The following SGMS2 variants were observed in gnomAD, a reference collection of about 807,000 sequenced individuals.
SGMS2 encodes sphingomyelin synthase 2.
A neutral mutation model predicts 43.8 loss-of-function variants in SGMS2; 21 were observed. The ratio of observed to expected loss-of-function variants is 0.48; its 90% CI spans 0.34 to 0.69. The LOEUF is 0.69. SGMS2 is among the 30% of genes least tolerant of loss of function. The pLI, the probability that SGMS2 is intolerant of heterozygous loss-of-function variation, is 0.01. For synonymous variants in SGMS2, 167 were observed against 160.6 expected (o/e 1.04, Z -0.30); for missense variants, 384 against 443.2 (o/e 0.87, Z 1.20).
chr4:107,840,626 A>G (rs773912012), intron 1 of SGMS2, among the ~76,000 whole-genome samples: 8 of 152,192 alleles, frequency 5.3e-5, no homozygotes, highest in Non-Finnish European at 8.8e-5. Flanking sequence ...GCAATCTTGC[A>G]TTTAAAAATA....
chr4:107,838,156 G>A (rs912345608), intron 1 of SGMS2, among the ~76,000 whole-genome samples: 6 of 152,174 alleles, frequency 3.9e-5, no homozygotes, highest in African/African-American at 1.4e-4. Context: ...TAACCAATGA[G>A]GAGGACCGAA....
At chr4:107,828,471 C>T (rs1725718615) in intron 1 of SGMS2, among the ~76,000 whole-genome samples, 1 of 152,186 alleles carries the variant, frequency 6.6e-6, no homozygotes, top group Admixed American at 6.5e-5. Flanking sequence ...CGTTTTCTCT[C>T]CTCATCCAAA....
intron 1 of SGMS2, among the ~76,000 whole-genome samples, chr4:107,844,698 C>T (rs1726713307): frequency 6.6e-6 from 1 of 152,036 alleles, no homozygotes; most frequent in Admixed American, 6.6e-5. Context: ...AGAACAAGAT[C>T]CTGTCTCCAA....
intron 1 of SGMS2, among the ~76,000 whole-genome samples, chr4:107,848,324 A>G (rs1411684257): frequency 6.6e-6 from 1 of 152,178 alleles, no homozygotes; most frequent in Admixed American, 6.6e-5. Flanking sequence ...CACCTATTGA[A>G]GGACCTCTAG....
intron 2 of SGMS2, among the ~76,000 whole-genome samples, chr4:107,877,420 A>G (rs1256481254): frequency 6.6e-6 from 1 of 152,238 alleles, no homozygotes; most frequent in Admixed American, 6.5e-5. Context: ...GTTTCTAGGT[A>G]TATAAATCTT....
chr4:107,884,032 C>T (rs2126090439), intron 2 of SGMS2, among the ~76,000 whole-genome samples: 1 of 152,286 alleles, frequency 6.6e-6, no homozygotes, highest in Admixed American at 6.5e-5. Flanking sequence ...ATATTTTCTA[C>T]AGTTTGGACT....
rs1730628222 is a variant in SGMS2 at position 107,895,934 on chromosome 4, A to G, written c.381A>G (p.Ala127=). The G allele has an allele frequency of 5.0e-6, 8 of 1,613,912 alleles. No homozygotes were observed. Among genetic ancestry groups the G allele is most frequent in the Non-Finnish European group, 5.9e-6 (7 of 1,179,922 alleles). ...FFDYIDRVKW[A]FSVSEINGII... ...ATTACATTGATAGGGTGAAATGGGC[A>G]TTTTCTGTATCAGAAATAAATGGGA... Residue 127 remains alanine, a synonymous_variant, in exon 3 of 7, where the codon GCA becomes GCG. Coordinates refer to ENST00000690982, the MANE Select transcript of SGMS2 (RefSeq NM_001375905.1).
intron 5 of SGMS2, among the ~76,000 whole-genome samples, chr4:107,905,280 CT>C: frequency 6.6e-6 from 1 of 152,204 alleles, no homozygotes; most frequent in South Asian, 2.1e-4. Flanking sequence ...GGGGTTTCCC[CT>C]TATAAAACCA....
intron 1 of SGMS2, among the ~76,000 whole-genome samples, chr4:107,836,181 C>T (rs770962439): frequency 9.9e-5 from 15 of 152,184 alleles, no homozygotes; most frequent in South Asian, 4.1e-4. Flanking sequence ...ACCGGCCACA[C>T]GTCAAGCACT....
intron 1 of SGMS2, among the ~76,000 whole-genome samples, chr4:107,849,000 T>A (rs1233060439): frequency 1.3e-5 from 2 of 152,206 alleles, no homozygotes; most frequent in Non-Finnish European, 2.9e-5. Flanking sequence ...TTCTATGTTA[T>A]CTTATAAATT....
chr4:107,890,223 C>T (rs1250411768), intron 2 of SGMS2, among the ~76,000 whole-genome samples: 1 of 152,076 alleles, frequency 6.6e-6, no homozygotes, highest in African/African-American at 2.4e-5. Flanking sequence ...ACAGGTTTCT[C>T]CCCGAAAGGG....
intron 1 of SGMS2, among the ~76,000 whole-genome samples, chr4:107,853,749 T>C (rs777505877): frequency 5.3e-5 from 8 of 152,286 alleles, no homozygotes; most frequent in Admixed American, 1.3e-4. Flanking sequence ...CTCACAGAGC[T>C]TGCAGTCTCA....
intron 2 of SGMS2, among the ~76,000 whole-genome samples, chr4:107,894,791 C>T (rs769981979): frequency 3.9e-5 from 6 of 152,076 alleles, no homozygotes; most frequent in African/African-American, 7.2e-5. Flanking sequence ...TTCTTAAAAG[C>T]GGTCACTTAA....
rs746770494 is a variant in SGMS2 at position 107,910,319 on chromosome 4, T to A, written c.895-31T>A. 12 of 1,552,580 alleles carry A rather than the reference T, an allele frequency of 7.7e-6. No homozygotes were observed. In the East Asian group the frequency reaches 2.5e-4, roughly 32 times the overall value. ...TGGGATGCAAATTGAGAAAGATATGTCTCATTTAAATTTTTTTCTACCATT... is the reference window on the plus strand; with the variant it reads ...TGGGATGCAAATTGAGAAAGATATGACTCATTTAAATTTTTTTCTACCATT... On this transcript the variant is annotated intron_variant, in intron 6 of 6. Transcript: ENST00000690982.
At chr4:107,839,159 T>C (rs551123590) in intron 1 of SGMS2, among the ~76,000 whole-genome samples, 1 of 152,308 alleles carries the variant, frequency 6.6e-6, no homozygotes, top group African/African-American at 2.4e-5. Flanking sequence ...TCTGAGTTCT[T>C]TGGGTGAAGA....
chr4:107,832,021 A>G (rs1725918858), intron 1 of SGMS2, among the ~76,000 whole-genome samples: 1 of 151,954 alleles, frequency 6.6e-6, no homozygotes, highest in Non-Finnish European at 1.5e-5. Flanking sequence ...CACAAACCCT[A>G]CTGTCCTCGC....
Position 107,896,006 on chromosome 4 carries a change from C to T in SGMS2, c.453C>T (p.Tyr151=). The T allele has an allele frequency of 6.2e-7, 1 of 1,605,832 alleles. No homozygotes were observed. The highest frequency in any genetic ancestry group is 8.5e-7 in the Non-Finnish European group (1 of 1,174,214). Residue 151 remains tyrosine (Y), a splice_region_variant and synonymous_variant, in exon 3 of 7, where the codon TAC becomes TAT. Coordinates refer to ENST00000690982, the MANE Select transcript of SGMS2 (RefSeq NM_001375905.1). ...TCACCCAGTGGCTGTTTCTGAGATA[C>T]AAGTAAGTAAATCTAATGTTTTGAG... ...LWITQWLFLR[Y]KSIVGRRFCF...
chr4:107,885,640 G>A (rs567493905), intron 2 of SGMS2, among the ~76,000 whole-genome samples: 2 of 152,190 alleles, frequency 1.3e-5, no homozygotes, highest in Non-Finnish European at 2.9e-5. Flanking sequence ...TTTTAACATT[G>A]TTCTAGCCAA....
At chr4:107,875,376 G>T (rs111499743) in intron 2 of SGMS2, among the ~76,000 whole-genome samples, 2 of 152,256 alleles carry the variant, frequency 1.3e-5, no homozygotes, top group African/African-American at 4.8e-5. Context: ...GGAGTTGGAG[G>T]CCATTATCCT....
Sources: allele counts gnomAD v4.1 joint callset (sites outside exome capture counted in the v4.1 genomes callset), GRCh38; gene constraint gnomAD v4.1.1; transcripts MANE v1.5; gene names NCBI Gene and HGNC (gene_info 2026-07-23, HGNC 2026-07-21).